Variants in LMBRD1 observed in about 807,000 individuals in gnomAD.
LMBRD1 encodes the protein LMBR1 domain containing 1.
Under a neutral mutation model 74.8 loss-of-function variants are expected in LMBRD1, and 64 were observed. The ratio of observed to expected loss-of-function variants is 0.86; its 90% confidence interval spans 0.70 to 1.05. LMBRD1 has a LOEUF of 1.05. Among genes scored for constraint, LMBRD1 ranks in the 50% least tolerant of loss-of-function variants. The pLI, the probability that LMBRD1 is intolerant of heterozygous loss-of-function variation, is 0.00. For synonymous variants in LMBRD1, 204 were observed against 216.3 expected (o/e 0.94, Z 0.50); for missense variants, 652 against 645.9 (o/e 1.01, Z -0.10).
intron 1 of LMBRD1, among the ~76,000 whole-genome samples, chr6:69,793,215 A>G (rs775928661): frequency 3.3e-5 from 5 of 152,222 alleles, no homozygotes; most frequent in Non-Finnish European, 5.9e-5. Flanking sequence ...AGCTTCTCCC[A>G]AAAGATTCAA....
chr6:69,773,116 T>C (rs759881960), intron 3 of LMBRD1, among the ~76,000 whole-genome samples: 1 of 152,148 alleles, frequency 6.6e-6, no homozygotes, highest in Non-Finnish European at 1.5e-5. Flanking sequence ...TCCCTCAAAG[T>C]TCATGATCAC....
intron 9 of LMBRD1, chr6:69,706,147 A>C (rs1766251977): frequency 9.4e-6 from 5 of 533,254 alleles, no homozygotes; most frequent in South Asian, 7.0e-5. Context: ...GTCCATGTCC[A>C]TCAAATCTTC....
intron 5 of LMBRD1, among the ~76,000 whole-genome samples, chr6:69,743,901 AC>A (rs1162760558): frequency 6.6e-6 from 1 of 152,198 alleles, no homozygotes; most frequent in East Asian, 1.9e-4. Context: ...AAGCATGTCA[AC>A]CTTTTAACCA....
intron 9 of LMBRD1, among the ~76,000 whole-genome samples, chr6:69,711,989 C>T (rs1020053269): frequency 6.6e-6 from 1 of 152,144 alleles, no homozygotes; most frequent in African/African-American, 2.4e-5. Context: ...CTTCCTCCCA[C>T]CCTCCACCCT....
At chr6:69,719,533 GTTTA>G (rs931943734) in intron 7 of LMBRD1, among the ~76,000 whole-genome samples, 1 of 151,950 alleles carries the variant, frequency 6.6e-6, no homozygotes, top group Non-Finnish European at 1.5e-5. Flanking sequence ...ACATTATAAA[GTTTA>G]TTTAAAAGTT....
intron 3 of LMBRD1, among the ~76,000 whole-genome samples, chr6:69,765,180 CA>C (rs1422585174): frequency 6.6e-6 from 1 of 152,104 alleles, no homozygotes; most frequent in Non-Finnish European, 1.5e-5. Context: ...ATCTGCCAGC[CA>C]GGGCCTCCCC....
intron 8 of LMBRD1, among the ~76,000 whole-genome samples, chr6:69,717,292 T>C (rs1268633781): frequency 6.6e-6 from 1 of 152,098 alleles, no homozygotes; most frequent in Admixed American, 6.6e-5. Context: ...TTTTTCCCCC[T>C]CCTCTCCATG....
intron 3 of LMBRD1, among the ~76,000 whole-genome samples, chr6:69,778,013 G>A (rs1479830613): frequency 6.6e-6 from 1 of 152,242 alleles, no homozygotes; most frequent in African/African-American, 2.4e-5. Flanking sequence ...CAGGGTCCTA[G>A]CTGTAGGTCA....
chr6:69,694,469 C>T (rs929470451), intron 14 of LMBRD1, among the ~76,000 whole-genome samples: 4 of 152,156 alleles, frequency 2.6e-5, no homozygotes, highest in Non-Finnish European at 5.9e-5. Context: ...CTTGAACTAA[C>T]ATCATTAACT....
chr6:69,757,413 A>C (rs2149880592), intron 3 of LMBRD1, among the ~76,000 whole-genome samples: 1 of 152,344 alleles, frequency 6.6e-6, no homozygotes, highest in East Asian at 1.9e-4. Flanking sequence ...ACAGACTATA[A>C]TATCCCTCTA....
Position 69,718,884 on chromosome 6 carries a change from A to G in LMBRD1, c.762+72T>C, listed in dbSNP as rs1190202112. 4 of 1,515,828 alleles carry G rather than the reference A, an allele frequency of 2.6e-6. No individual in the cohort carries two copies. In the Admixed American group the frequency reaches 6.7e-5, roughly 25 times the overall value. The allele number at this position is 1,515,828 out of a possible 1,614,324, so 93.9% of individuals were successfully genotyped here. A position where few individuals can be genotyped will look rare whatever the true frequency, so the allele number is the denominator to read the frequency against. ...AAAAGTTATGGGGTTGACAATGTCT[A>G]AGTCATATCAGAAAGCAGCTCTAAG... On this transcript the variant is annotated intron_variant, in intron 8 of 15. Transcript: ENST00000649934.
chr6:69,682,373 T>G (rs1455519556), intron 14 of LMBRD1, among the ~76,000 whole-genome samples: 2 of 151,920 alleles, frequency 1.3e-5, no homozygotes, highest in African/African-American at 4.8e-5. Flanking sequence ...ATTTTGCACT[T>G]AAGAATAAGT....
At position 69,775,020 on chromosome 6, in the gene LMBRD1, AGGG is replaced by A. The variant is rs1562121869; in HGVS notation, c.307+5471_307+5473del. On this transcript the variant is annotated intron_variant, in intron 3 of 15. Transcript: ENST00000649934. ...GAGGGAGGGAGGGAGGGAGGGAGGG[AGGG>A]AGGGAGGGAGGGAAGGAAGGAAAAG... Among the ~76,000 whole-genome samples the A allele has an allele frequency of 5.5e-3, 520 of 95,290 alleles. 69 individuals are homozygous for A. Among genetic ancestry groups the A allele is most frequent in the Non-Finnish European group, 8.2e-3 (370 of 45,236 alleles). The allele number at this position is 95,290 out of a possible 152,430, so 62.5% of individuals were successfully genotyped here.
chr6:69,701,744 C>A, intron 10 of LMBRD1, 145 bp downstream of exon 10: 1 of 694,892 alleles, frequency 1.4e-6, no homozygotes, highest in Non-Finnish European at 2.5e-6. Flanking sequence ...GACGTTTTAG[C>A]CATTCTTTGA....
intron 8 of LMBRD1, among the ~76,000 whole-genome samples, chr6:69,716,272 T>C (rs1262498450): frequency 6.6e-6 from 1 of 152,182 alleles, no homozygotes; most frequent in Non-Finnish European, 1.5e-5. Flanking sequence ...GCAACCTTGC[T>C]GGCATCTGTT....
intron 14 of LMBRD1, among the ~76,000 whole-genome samples, chr6:69,693,519 G>T (rs866803486): frequency 6.6e-6 from 1 of 151,862 alleles, no homozygotes; most frequent in Non-Finnish European, 1.5e-5. Context: ...TTCTCAGAAA[G>T]AATTTTAATT....
chr6:69,749,526 C>T, intron 4 of LMBRD1, 118 bp from the exon 5 acceptor site: 1 of 787,978 alleles, frequency 1.3e-6, no homozygotes, highest in Admixed American at 2.3e-5. Context: ...AATATTGAAA[C>T]TAAGGTTGAA....
intron 8 of LMBRD1, among the ~76,000 whole-genome samples, chr6:69,716,336 T>C (rs1010442390): frequency 2.6e-5 from 4 of 152,178 alleles, no homozygotes; most frequent in African/African-American, 7.2e-5. Context: ...TGGTATCTCA[T>C]TGTGGTTTTT....
chr6:69,706,031 A>G, intron 9 of LMBRD1: 1 of 749,236 alleles, frequency 1.3e-6, no homozygotes, highest in Non-Finnish European at 2.4e-6. Flanking sequence ...ACCGTTCTTA[A>G]AGATAACTAG....
Sources: gnomAD v4.1 joint callset for allele counts (sites outside exome capture counted in the v4.1 genomes callset) on GRCh38, gnomAD v4.1.1 for gene constraint, MANE v1.5 for transcripts, NCBI Gene and HGNC (gene_info 2026-07-23, HGNC 2026-07-21) for gene names.